The following ATOSA variants were observed in gnomAD, a reference collection of about 807,000 sequenced individuals.
The protein encoded by ATOSA is atos homolog protein A.
At chr15:52,615,634 C>T in the ATOSA span, among the ~76,000 whole-genome samples, 2 of 152,136 alleles carry the variant, frequency 1.3e-5, no homozygotes, top group Non-Finnish European at 2.9e-5. Flanking sequence ...TTATGAATAG[C>T]TTTGAAGGGT....
chr15:52,633,490 T>C, the ATOSA span, among the ~76,000 whole-genome samples: 2 of 152,088 alleles, frequency 1.3e-5, no homozygotes. Flanking sequence ...GAAAGCCACA[T>C]AGAGGCCAGC....
the ATOSA span, among the ~76,000 whole-genome samples, chr15:52,670,949 T>G: frequency 6.6e-6 from 1 of 152,016 alleles, no homozygotes; most frequent in Non-Finnish European, 1.5e-5. Flanking sequence ...ATCCTTTGAG[T>G]TTTTTTTCCA....
At chr15:52,705,588 A>G in the ATOSA span, among the ~76,000 whole-genome samples, 622 of 152,310 alleles carry the variant, frequency 4.1e-3, 3 homozygotes, top group African/African-American at 0.014. Flanking sequence ...CATCAATTTA[A>G]TTTGTAAATG....
At chr15:52,622,402 A>G in the ATOSA span, among the ~76,000 whole-genome samples, 4 of 152,214 alleles carry the variant, frequency 2.6e-5, no homozygotes, top group Admixed American at 2.6e-4. Context: ...GGTTATGCTC[A>G]AAGAATGGGA....
At chr15:52,629,229 G>A in the ATOSA span, among the ~76,000 whole-genome samples, 4 of 152,074 alleles carry the variant, frequency 2.6e-5, no homozygotes, top group African/African-American at 9.7e-5. Flanking sequence ...TAAGTTTACA[G>A]CAAAACTGAG....
chr15:52,612,004 C>T, the ATOSA span, among the ~76,000 whole-genome samples: 1 of 151,904 alleles, frequency 6.6e-6, no homozygotes, highest in East Asian at 1.9e-4. Flanking sequence ...ATTTTTTTTG[C>T]GACTGAGACT....
chr15:52,581,465 T>C, the ATOSA span: 1 of 152,192 alleles, frequency 6.6e-6, no homozygotes, highest in Admixed American at 6.5e-5. Context: ...AAAATAGAAC[T>C]GTTTTGGGGA....
chr15:52,608,672 T>C, the ATOSA span: 1 of 1,612,470 alleles, frequency 6.2e-7, no homozygotes, highest in African/African-American at 1.3e-5. Flanking sequence ...TCTTCTTGCT[T>C]ATCTTGTTCA....
chr15:52,661,967 A>C, the ATOSA span, among the ~76,000 whole-genome samples: 1 of 144,866 alleles, frequency 6.9e-6, no homozygotes, highest in Admixed American at 6.9e-5. Context: ...AAAAAAAAGG[A>C]GTAATGAATG....
the ATOSA span, among the ~76,000 whole-genome samples, chr15:52,664,335 A>G: frequency 2.0e-5 from 3 of 152,216 alleles, no homozygotes; most frequent in Non-Finnish European, 4.4e-5. Flanking sequence ...AAGGAGATTT[A>G]GGGAATACTG....
the ATOSA span, among the ~76,000 whole-genome samples, chr15:52,646,510 TC>T: frequency 6.6e-6 from 1 of 152,144 alleles, no homozygotes; most frequent in Non-Finnish European, 1.5e-5. Context: ...TGCTAGGTTT[TC>T]TATTTGAAGC....
chr15:52,629,370 T>C, the ATOSA span, among the ~76,000 whole-genome samples: 10 of 152,032 alleles, frequency 6.6e-5, no homozygotes, highest in Non-Finnish European at 1.2e-4. Context: ...TCAAAGTCCA[T>C]AGTTTATCTT....
chr15:52,582,327 A>G, the ATOSA span: 2 of 1,544,152 alleles, frequency 1.3e-6, no homozygotes, highest in Non-Finnish European at 1.7e-6. Context: ...TAAACAAAAT[A>G]TAAAACATTT....
At chr15:52,637,290 T>TG in the ATOSA span, among the ~76,000 whole-genome samples, 31 of 151,802 alleles carry the variant, frequency 2.0e-4, no homozygotes, top group Non-Finnish European at 3.8e-4. Flanking sequence ...GAAGTCAAGT[T>TG]GGGGGGCAGG....
At chr15:52,594,353 C>T in the ATOSA span, among the ~76,000 whole-genome samples, 1 of 152,204 alleles carries the variant, frequency 6.6e-6, no homozygotes, top group Non-Finnish European at 1.5e-5. Flanking sequence ...CCCAAGGTCA[C>T]TCACTGAGAT....
chr15:52,613,917 T>C, the ATOSA span: 1 of 1,379,760 alleles, frequency 7.2e-7, no homozygotes, highest in Non-Finnish European at 1.0e-6. Context: ...AGAACTCATC[T>C]GGTCTGCCTA....
the ATOSA span, among the ~76,000 whole-genome samples, chr15:52,674,264 G>A: frequency 3.1e-4 from 46 of 149,876 alleles, no homozygotes; most frequent in Admixed American, 3.0e-3. Context: ...TGCCCAGGGT[G>A]GTCTCGAACT....
At chr15:52,605,393 C>G in the ATOSA span, 1 of 549,152 alleles carries the variant, frequency 1.8e-6, no homozygotes, top group Non-Finnish European at 3.1e-6. Context: ...TATCCCTTAT[C>G]CAAAATACTT....
chr15:52,643,254 G>A, the ATOSA span, among the ~76,000 whole-genome samples: 1 of 152,052 alleles, frequency 6.6e-6, no homozygotes, highest in South Asian at 2.1e-4. Flanking sequence ...TTTAACGGTG[G>A]TTCCCAAAAA....
Sources: gnomAD v4.1 joint callset for allele counts (sites outside exome capture counted in the v4.1 genomes callset) on GRCh38, gnomAD v4.1.1 for gene constraint, MANE v1.5 for transcripts, NCBI Gene and HGNC (gene_info 2026-07-23, HGNC 2026-07-21) for gene names.